Variants in CAMK4 observed in about 807,000 individuals in gnomAD.
The protein encoded by CAMK4 is calcium/calmodulin-dependent protein kinase type IV.
A neutral mutation model predicts 44.9 loss-of-function variants in CAMK4; 22 were observed. The ratio of observed to expected loss-of-function variants is 0.49; its 90% CI spans 0.35 to 0.70. The LOEUF (loss-of-function observed/expected upper bound fraction) is 0.70, where lower values mean the gene tolerates loss of function less well. Among genes scored for constraint, CAMK4 ranks in the 30% least tolerant of loss-of-function variants. The pLI is 0.01. For missense variants in CAMK4, 498 were observed against 586.8 expected (o/e 0.85, Z 1.56); for synonymous variants, 218 against 215.4 (o/e 1.01, Z -0.11).
At chr5:111,409,679 A>G (rs535961949) in intron 5 of CAMK4, among the ~76,000 whole-genome samples, 8 of 152,336 alleles carry the variant, frequency 5.3e-5, no homozygotes, top group African/African-American at 1.9e-4. Flanking sequence ...CCAAAATTTT[A>G]TGCTCTGCTT....
At position 111,323,287 on chromosome 5, in the gene CAMK4, AT is replaced by A. The variant is rs551335451; in HGVS notation, c.162-20729del. On this transcript the variant is annotated intron_variant, in intron 1 of 10. Transcript: ENST00000282356. ...ATATACAGACAGTCCTATACTTACG[AT>A]TTTTTTTACTTTATGATGGGTTTAT... is the stretch of plus-strand genomic sequence containing the variant. 6.2e-3 allele frequency among the ~76,000 whole-genome samples: 944 copies of A among 152,052 alleles called. 6 individuals carry two copies. The highest frequency in any genetic ancestry group is 0.01 in the Non-Finnish European group (706 of 67,952).
chr5:111,370,903 G>T (rs1561445488), intron 2 of CAMK4, among the ~76,000 whole-genome samples: 1 of 120,614 alleles, frequency 8.3e-6, no homozygotes, highest in Non-Finnish European at 1.7e-5. Context: ...GACAAAGCGA[G>T]ACTCCATCTC....
Position 111,327,407 on chromosome 5 carries a change from G to C in CAMK4, c.162-16617G>C, listed in dbSNP as rs970395226. ...CCACATTTTCTTAATCCAGTCTGTCGTTGTGGGACATTTGGGTTGGTTCCA... is the reference window on the plus strand; with the variant it reads ...CCACATTTTCTTAATCCAGTCTGTCCTTGTGGGACATTTGGGTTGGTTCCA... On this transcript the variant is annotated intron_variant, in intron 1 of 10. Coordinates refer to ENST00000282356, the MANE Select transcript of CAMK4 (RefSeq NM_001744.6). Among the ~76,000 whole-genome samples, 4 of 151,850 alleles carry C rather than the reference G, an allele frequency of 2.6e-5. No individual in the cohort carries two copies. In the South Asian group the frequency reaches 8.3e-4, roughly 31 times the overall value.
chr5:111,229,760 AT>A (rs1453133127), intron 1 of CAMK4, among the ~76,000 whole-genome samples: 1 of 152,190 alleles, frequency 6.6e-6, no homozygotes, highest in Non-Finnish European at 1.5e-5. Context: ...AATTAAAAAT[AT>A]ACTTGTGCCA....
chr5:111,313,775 G>T (rs1454399557), intron 1 of CAMK4, among the ~76,000 whole-genome samples: 1 of 152,084 alleles, frequency 6.6e-6, no homozygotes, highest in Non-Finnish European at 1.5e-5. Flanking sequence ...TCATCTGGAA[G>T]GATTTCAACA....
intron 9 of CAMK4, among the ~76,000 whole-genome samples, chr5:111,479,177 C>T (rs1423531663): frequency 6.6e-6 from 1 of 152,132 alleles, no homozygotes; most frequent in Non-Finnish European, 1.5e-5. Context: ...CTGCACCCAG[C>T]CTAGATATAC....
chr5:111,309,576 C>G (rs1452806223), intron 1 of CAMK4, among the ~76,000 whole-genome samples: 1 of 152,106 alleles, frequency 6.6e-6, no homozygotes, highest in African/African-American at 2.4e-5. Context: ...CATTAACAAT[C>G]CATTTTACTG....
rs553082773 is a variant in CAMK4 at position 111,251,376 on chromosome 5, C to T, written c.161+26732C>T. ...TGAGGATCATGTAAGCCAGCAGAGGCCTTGTCTATATGGGTGTCCAGGTTG... is the reference window on the plus strand; with the variant it reads ...TGAGGATCATGTAAGCCAGCAGAGGTCTTGTCTATATGGGTGTCCAGGTTG... On this transcript the variant is annotated intron_variant, in intron 1 of 10. Coordinates refer to ENST00000282356, the MANE Select transcript of CAMK4 (RefSeq NM_001744.6). 2.6e-5 allele frequency among the ~76,000 whole-genome samples: 4 copies of T among 152,260 alleles called. No homozygotes were observed. The South Asian group carries it at 8.3e-4, about 32-fold the overall frequency.
At chr5:111,396,102 C>G (rs1337276577) in intron 5 of CAMK4, among the ~76,000 whole-genome samples, 1 of 152,030 alleles carries the variant, frequency 6.6e-6, no homozygotes, top group East Asian at 1.9e-4. Context: ...ATCTAACTAG[C>G]CTCTGTACCA....
In CAMK4 at chr5:111,290,786, A is replaced by G. The variant is rs2059264762; in HGVS notation, c.162-53238A>G. On this transcript the variant is annotated intron_variant, in intron 1 of 10. Transcript: ENST00000282356. This position sits in a 1 kb window ranked among gnomAD's most constrained non-coding sequence, Gnocchi z 4.5. Reference sequence around the variant, plus strand: ...TGGGCAGGCATGAGGTAAGGTGTCAAGGGTCCCCTACTAATACCTGGGGAG... The same window carrying G: ...TGGGCAGGCATGAGGTAAGGTGTCAGGGGTCCCCTACTAATACCTGGGGAG... Among the ~76,000 whole-genome samples, 1 of 152,184 alleles carries G rather than the reference A, an allele frequency of 6.6e-6. No homozygotes were observed. The highest frequency in any genetic ancestry group is 1.5e-5 in the Non-Finnish European group (1 of 68,020).
intron 1 of CAMK4, among the ~76,000 whole-genome samples, chr5:111,301,981 A>G (rs974543162): frequency 6.6e-6 from 1 of 152,208 alleles, no homozygotes; most frequent in Non-Finnish European, 1.5e-5. Context: ...TTTTGATGTA[A>G]TGATTTAACT....
intron 2 of CAMK4, among the ~76,000 whole-genome samples, chr5:111,352,213 A>G (rs992011825): frequency 9.9e-5 from 15 of 152,120 alleles, no homozygotes; most frequent in Admixed American, 3.3e-4. Flanking sequence ...AAGTATGTAG[A>G]AATCAATTAA....
chr5:111,367,514 G>A (rs1750838047), intron 2 of CAMK4, among the ~76,000 whole-genome samples: 1 of 152,044 alleles, frequency 6.6e-6, no homozygotes. Flanking sequence ...AAACTCTGAT[G>A]GGCCACCTTA....
At chr5:111,264,244 T>G (rs1295066749) in intron 1 of CAMK4, among the ~76,000 whole-genome samples, 3 of 152,152 alleles carry the variant, frequency 2.0e-5, no homozygotes, top group African/African-American at 7.2e-5. Flanking sequence ...GCTTTGTTGG[T>G]GTGATTTGCA....
chr5:111,237,895 A>G (rs1036778364), intron 1 of CAMK4, among the ~76,000 whole-genome samples: 2 of 152,260 alleles, frequency 1.3e-5, no homozygotes, highest in Admixed American at 1.3e-4. Context: ...ATCTACTGAA[A>G]TGCTTAATCA....
intron 8 of CAMK4, among the ~76,000 whole-genome samples, chr5:111,476,981 G>A (rs182728212): frequency 3.3e-4 from 51 of 152,302 alleles, no homozygotes. Flanking sequence ...GGAAATATAA[G>A]GAAACTCCTA....
chr5:111,314,284 G>A (rs1166220438), intron 1 of CAMK4, among the ~76,000 whole-genome samples: 4 of 151,890 alleles, frequency 2.6e-5, no homozygotes, highest in Admixed American at 2.0e-4. Flanking sequence ...TTCCATCATT[G>A]TTCAAATCCA....
rs1047989835 is a variant in CAMK4 at position 111,259,027 on chromosome 5, A to G, written c.161+34383A>G. ...GAAAGAGATTTATGCTAATTTGTCA[A>G]GTGGTAACTCATTTTGGGATTATGC... On this transcript the variant is annotated intron_variant, in intron 1 of 10. Coordinates refer to ENST00000282356, the MANE Select transcript of CAMK4 (RefSeq NM_001744.6). Among the ~76,000 whole-genome samples the G allele has an allele frequency of 3.3e-5, 5 of 152,158 alleles. No individual in the cohort carries two copies. The East Asian group carries it at 9.6e-4, about 29-fold the overall frequency.
chr5:111,347,349 A>G (rs182896077), intron 2 of CAMK4, among the ~76,000 whole-genome samples: 139 of 152,122 alleles, frequency 9.1e-4, no homozygotes, highest in African/African-American at 3.2e-3. Context: ...CAGCTCAAGG[A>G]TATGAGATGC....
Sources: allele counts gnomAD v4.1 joint callset (sites outside exome capture counted in the v4.1 genomes callset), GRCh38; gene constraint gnomAD v4.1.1; non-coding constraint Gnocchi (gnomAD v3.1); transcripts MANE v1.5; gene names NCBI Gene and HGNC (gene_info 2026-07-23, HGNC 2026-07-21).